The following KCNJ6 variants were observed in gnomAD, a reference collection of about 807,000 sequenced individuals.
The protein encoded by KCNJ6 is G protein-activated inward rectifier potassium channel 2.
A neutral mutation model predicts 34.2 loss-of-function variants in KCNJ6; 9 were observed. The observed-to-expected ratio is 0.26, with a 90% CI of 0.16 to 0.46. The LOEUF is 0.46. Among genes scored for constraint, KCNJ6 ranks in the 20% least tolerant of loss-of-function variants. KCNJ6 has a pLI of 1.00. For synonymous variants in KCNJ6, 196 were observed against 207.1 expected (o/e 0.95, Z 0.46); for missense variants, 236 against 531.3 (o/e 0.44, Z 5.46).
chr21:37,659,849 A>T (rs2054480310), intron 3 of KCNJ6, among the ~76,000 whole-genome samples: 3 of 152,230 alleles, frequency 2.0e-5, no homozygotes, highest in Admixed American at 2.0e-4. Flanking sequence ...ACCTTTTATA[A>T]AACTACCCAT....
intron 2 of KCNJ6, among the ~76,000 whole-genome samples, chr21:37,828,032 A>G (rs998659892): frequency 2.0e-5 from 3 of 152,184 alleles, no homozygotes; most frequent in African/African-American, 4.8e-5. Flanking sequence ...TCTTAAGGCC[A>G]CACTGACGTG....
At position 37,614,508 on chromosome 21, in the gene KCNJ6, C is replaced by CTGTGTGCGTGTATGCATGTG. The variant is rs2054255830; in HGVS notation, c.*10650_*10651insCACATGCATACACGCACACA. On this transcript the variant is annotated 3_prime_UTR_variant, in exon 4 of 4. Coordinates refer to ENST00000609713, the MANE Select transcript of KCNJ6 (RefSeq NM_002240.5). ...TGTCTGTGTGCGTGTATGCATGTGT[C>CTGTGTGCGTGTATGCATGTG]TCTGTATGCATGTGTGTATGCATGT... The CTGTGTGCGTGTATGCATGTG allele has an allele frequency of 1.2e-4, 4 of 32,774 alleles. No homozygotes were observed. In the Admixed American group the frequency reaches 1.4e-3, roughly 12 times the overall value. 2.0% of individuals were successfully genotyped at this position (32,774 alleles called of 1,614,324 possible).
Position 37,614,633 on chromosome 21 carries a change from TGTGTGTGTATGCAC to T in KCNJ6, c.*10512_*10525del, listed in dbSNP as rs1002123587. ...GTATGCGTGTGTGTATGCATATGTC[TGTGTGTGTATGCAC>T]GTGTGTGTATGCATGTGTCTCTGTG... On this transcript the variant is annotated 3_prime_UTR_variant, in exon 4 of 4. Transcript: ENST00000609713. 7.1e-5 allele frequency: 6 copies of T among 84,078 alleles called. No individual in the cohort carries two copies. The highest frequency in any genetic ancestry group is 5.2e-4 in the East Asian group (2 of 3,814). 5.2% of individuals were successfully genotyped at this position (84,078 alleles called of 1,614,324 possible). A position where few individuals can be genotyped will look rare whatever the true frequency, so the allele number is the denominator to read the frequency against.
chr21:37,787,994 G>A (rs1017852090), intron 2 of KCNJ6, among the ~76,000 whole-genome samples: 5 of 152,156 alleles, frequency 3.3e-5, no homozygotes, highest in Admixed American at 2.0e-4. Flanking sequence ...TGGACAGAAA[G>A]CTAATGGGAT....
At chr21:37,854,334 G>T (rs2055553708) in intron 1 of KCNJ6, among the ~76,000 whole-genome samples, 2 of 151,958 alleles carry the variant, frequency 1.3e-5, no homozygotes, top group African/African-American at 4.8e-5. Context: ...GAGATGGAGA[G>T]AAAAATTACA....
intron 1 of KCNJ6, among the ~76,000 whole-genome samples, chr21:37,875,986 G>A (rs907159878): frequency 2.0e-5 from 3 of 152,242 alleles, no homozygotes; most frequent in African/African-American, 4.8e-5. Flanking sequence ...GGGGACCATC[G>A]ATAGTATTAG....
chr21:37,646,532 C>T (rs1249305883), intron 3 of KCNJ6, among the ~76,000 whole-genome samples: 1 of 152,158 alleles, frequency 6.6e-6, no homozygotes, highest in Non-Finnish European at 1.5e-5. Context: ...TCTCAACACA[C>T]TGTTTTCCCT....
chr21:37,732,849 C>T (rs1341868391), intron 2 of KCNJ6, among the ~76,000 whole-genome samples: 1 of 152,124 alleles, frequency 6.6e-6, no homozygotes, highest in Non-Finnish European at 1.5e-5. Flanking sequence ...GTAATTCACC[C>T]AGAGCAGTGA....
chr21:37,701,728 G>C (rs540608693), intron 3 of KCNJ6, among the ~76,000 whole-genome samples: 3 of 152,122 alleles, frequency 2.0e-5, no homozygotes, highest in Non-Finnish European at 4.4e-5. Context: ...GGTGATCAGA[G>C]AAGACCTCCT....
intron 1 of KCNJ6, among the ~76,000 whole-genome samples, chr21:37,879,584 T>C (rs991808446): frequency 5.3e-5 from 8 of 151,952 alleles, no homozygotes; most frequent in African/African-American, 1.9e-4. Flanking sequence ...GGAAGGCCTA[T>C]TTGCCCAAAA....
At chr21:37,853,689 T>C (rs887649619) in intron 1 of KCNJ6, among the ~76,000 whole-genome samples, 4 of 151,874 alleles carry the variant, frequency 2.6e-5, no homozygotes, top group Non-Finnish European at 4.4e-5. Flanking sequence ...CATTATAGCA[T>C]GGTCTACTGT....
chr21:37,734,371 TAC>T (rs2054901989), intron 2 of KCNJ6, among the ~76,000 whole-genome samples: 1 of 152,092 alleles, frequency 6.6e-6, no homozygotes, highest in Admixed American at 6.5e-5. Context: ...TAAAATGTTG[TAC>T]AGAGGAGAGC....
intron 3 of KCNJ6, among the ~76,000 whole-genome samples, chr21:37,712,746 C>T (rs914765691): frequency 4.2e-5 from 5 of 118,018 alleles, no homozygotes; most frequent in South Asian, 3.2e-4. Flanking sequence ...CTCCTCCTCT[C>T]CTTCCTCCCC....
intron 2 of KCNJ6, among the ~76,000 whole-genome samples, chr21:37,825,021 A>C (rs4817895): frequency 0.78 from 118,186 of 151,970 alleles, 46,521 homozygotes; most frequent in East Asian, 0.97. Flanking sequence ...CTGCATGCCA[A>C]CTCCTTCCCT....
At chr21:37,668,178 T>G (rs1278684823) in intron 3 of KCNJ6, among the ~76,000 whole-genome samples, 1 of 152,116 alleles carries the variant, frequency 6.6e-6, no homozygotes. Flanking sequence ...CCTCCAGTGC[T>G]TGATGGGGGC....
At chr21:37,660,292 G>A (rs1232367146) in intron 3 of KCNJ6, among the ~76,000 whole-genome samples, 3 of 152,252 alleles carry the variant, frequency 2.0e-5, no homozygotes, top group Non-Finnish European at 4.4e-5. Context: ...CAGGGTGCAA[G>A]GCCCTAGACA....
At chr21:37,680,436 C>G (rs964694573) in intron 3 of KCNJ6, among the ~76,000 whole-genome samples, 10 of 152,272 alleles carry the variant, frequency 6.6e-5, no homozygotes, top group African/African-American at 2.2e-4. Context: ...GGTATCCAGA[C>G]TATGACGGTT....
chr21:37,868,305 AT>A, intron 1 of KCNJ6, among the ~76,000 whole-genome samples: 1 of 152,304 alleles, frequency 6.6e-6, no homozygotes, highest in African/African-American at 2.4e-5. Context: ...GATTACAGAG[AT>A]TTGTACTGTC....
At chr21:37,625,592 C>G (rs1315108807) in intron 3 of KCNJ6, 108 bp from the exon 4 acceptor site, 9 of 724,558 alleles carry the variant, frequency 1.2e-5, no homozygotes, top group African/African-American at 3.5e-5. Flanking sequence ...TGAGACTGAC[C>G]TGCATACGAT....
Sources: allele counts gnomAD v4.1 joint callset (sites outside exome capture counted in the v4.1 genomes callset), GRCh38; gene constraint gnomAD v4.1.1; transcripts MANE v1.5; gene names NCBI Gene and HGNC (gene_info 2026-07-23, HGNC 2026-07-21).